GABRB1: variants seen among roughly 807,000 people sequenced by gnomAD.
GABRB1 encodes the protein gamma-aminobutyric acid type A receptor subunit beta1.
A neutral mutation model predicts 51.6 loss-of-function variants in GABRB1; 17 were observed. That is an observed-to-expected ratio of 0.33 (90% confidence interval 0.23 to 0.49). GABRB1 has a LOEUF of 0.49. Among genes scored for constraint, GABRB1 ranks in the 20% least tolerant of loss-of-function variants. The probability of loss-of-function intolerance (pLI) is 0.99; values close to 1 mark genes in which losing one functional copy is unlikely to be tolerated. For synonymous variants in GABRB1, 247 were observed against 218.9 expected (o/e 1.13, Z -1.14); for missense variants, 410 against 600.6 (o/e 0.68, Z 3.32).
rs561019241 is a variant in GABRB1, at chr4:47,206,937, C to A, written c.461+45468C>A. 1.8e-4 allele frequency among the ~76,000 whole-genome samples: 27 copies of A among 151,800 alleles called. No homozygotes were observed. In the East Asian group the frequency reaches 4.8e-3, roughly 27 times the overall value. On this transcript the variant is annotated intron_variant, in intron 4 of 8. Coordinates refer to ENST00000295454, the MANE Select transcript of GABRB1 (RefSeq NM_000812.4). Reference sequence around the variant, plus strand: ...CAGGCTACACCAGAAAAAGAGTTTTCTGAATTTAAAATTCTATTCAGAAAC... The same window carrying A: ...CAGGCTACACCAGAAAAAGAGTTTTATGAATTTAAAATTCTATTCAGAAAC...
chr4:47,360,724 T>C (rs1726778372), intron 5 of GABRB1, among the ~76,000 whole-genome samples: 1 of 152,080 alleles, frequency 6.6e-6, no homozygotes, highest in Non-Finnish European at 1.5e-5. Flanking sequence ...ATTTGGATAC[T>C]CAAAACTACT....
intron 3 of GABRB1, among the ~76,000 whole-genome samples, chr4:47,114,302 C>T (rs1386473312): frequency 6.6e-6 from 1 of 152,166 alleles, no homozygotes; most frequent in Admixed American, 6.5e-5. Flanking sequence ...AACTGATTGG[C>T]TCAGAAGGTT....
At chr4:47,137,995 G>A (rs1716746308) in intron 3 of GABRB1, among the ~76,000 whole-genome samples, 1 of 152,068 alleles carries the variant, frequency 6.6e-6, no homozygotes, top group Non-Finnish European at 1.5e-5. Context: ...TTCCATTGCA[G>A]TGAGGTTAAG....
At chr4:47,384,957 TACTG>T (rs1727735119) in intron 5 of GABRB1, among the ~76,000 whole-genome samples, 1 of 152,240 alleles carries the variant, frequency 6.6e-6, no homozygotes, top group African/African-American at 2.4e-5. Flanking sequence ...AACATTATGA[TACTG>T]ACACACTAGT....
At chr4:47,211,668 T>G in intron 4 of GABRB1, among the ~76,000 whole-genome samples, 1 of 152,174 alleles carries the variant, frequency 6.6e-6, no homozygotes, top group Non-Finnish European at 1.5e-5. Flanking sequence ...CACACATTTC[T>G]CATCAAACAG....
chr4:47,182,165 G>A (rs142414816), intron 4 of GABRB1, among the ~76,000 whole-genome samples: 24 of 151,948 alleles, frequency 1.6e-4, no homozygotes, highest in African/African-American at 5.5e-4. Flanking sequence ...GAGGTTAAAA[G>A]GATTTGTTCT....
intron 4 of GABRB1, among the ~76,000 whole-genome samples, chr4:47,262,396 C>T (rs1237049197): frequency 1.3e-5 from 2 of 152,156 alleles, no homozygotes; most frequent in East Asian, 1.9e-4. Flanking sequence ...TATGAACAGA[C>T]ACTTCTCAAA....
chr4:47,370,243 C>T (rs900960750), intron 5 of GABRB1, among the ~76,000 whole-genome samples: 3 of 152,164 alleles, frequency 2.0e-5, no homozygotes, highest in Non-Finnish European at 2.9e-5. Context: ...AATCTCAGCA[C>T]GTTGGGTGGC....
chr4:47,269,119 G>A (rs900538853), intron 4 of GABRB1, among the ~76,000 whole-genome samples: 1 of 152,216 alleles, frequency 6.6e-6, no homozygotes, highest in African/African-American at 2.4e-5. Flanking sequence ...ACTTAATGAT[G>A]TTCAGGTTGA....
intron 3 of GABRB1, among the ~76,000 whole-genome samples, chr4:47,128,398 G>A (rs1167136657): frequency 1.3e-5 from 2 of 151,802 alleles, no homozygotes; most frequent in East Asian, 3.9e-4. Flanking sequence ...AAAAATCCAT[G>A]AATTAGAAAA....
chr4:47,025,827 T>C (rs1725071965), intron 1 of GABRB1, among the ~76,000 whole-genome samples: 2 of 151,958 alleles, frequency 1.3e-5, no homozygotes, highest in African/African-American at 4.8e-5. Flanking sequence ...CATTATCCCC[T>C]CTCCTCTCAC....
intron 5 of GABRB1, among the ~76,000 whole-genome samples, chr4:47,369,655 T>G (rs569830093): frequency 1.6e-4 from 24 of 152,198 alleles, no homozygotes; most frequent in Non-Finnish European, 2.8e-4. Context: ...TTTAATCTCT[T>G]TGGGCCTTAG....
chr4:47,212,455 T>C lies in GABRB1; in HGVS notation c.461+50986T>C, dbSNP rs141725283. 8.9e-3 allele frequency among the ~76,000 whole-genome samples: 1,356 copies of C among 152,256 alleles called. 7 individuals are homozygous for C. Among genetic ancestry groups the C allele is most frequent in the Non-Finnish European group, 0.011 (761 of 68,024 alleles). On this transcript the variant is annotated intron_variant, in intron 4 of 8. Coordinates refer to ENST00000295454, the MANE Select transcript of GABRB1 (RefSeq NM_000812.4). ...ACTTTGGGAGGCTGAGGCCTTTGGA[T>C]CACCTGCGGTCAGGAGTGATACCAG...
chr4:47,169,123 GAC>G (rs779266319), intron 4 of GABRB1, among the ~76,000 whole-genome samples: 18 of 152,162 alleles, frequency 1.2e-4, no homozygotes, highest in Non-Finnish European at 2.2e-4. Flanking sequence ...AATTTGACGA[GAC>G]ACAATTCAAC....
intron 4 of GABRB1, among the ~76,000 whole-genome samples, chr4:47,309,798 T>C (rs1265594188): frequency 6.6e-6 from 1 of 152,162 alleles, no homozygotes; most frequent in Non-Finnish European, 1.5e-5. Flanking sequence ...TTTTCTCTCA[T>C]CTATAATTTT....
In GABRB1 at chr4:47,403,296, G is replaced by A. The variant is rs372855800; in HGVS notation, c.545-22G>A. The A allele has an allele frequency of 3.6e-5, 58 of 1,611,852 alleles. No homozygotes were observed. The Admixed American group carries it at 4.2e-4, about 12-fold the overall frequency. On this transcript the variant is annotated intron_variant, in intron 5 of 8. Coordinates refer to ENST00000295454, the MANE Select transcript of GABRB1 (RefSeq NM_000812.4). ...ATGATTTCCTAAACTTTGTTTAACC[G>A]TGCTGTTTTTATTGGTTTCAGATGG...
intron 4 of GABRB1, among the ~76,000 whole-genome samples, chr4:47,214,650 T>C (rs1047331792): frequency 3.9e-5 from 6 of 152,180 alleles, no homozygotes; most frequent in Admixed American, 2.6e-4. Flanking sequence ...AAGTATATTA[T>C]ATTAAATAAA....
intron 8 of GABRB1, among the ~76,000 whole-genome samples, chr4:47,408,000 G>A (rs1728634472): frequency 1.1e-4 from 16 of 152,188 alleles, no homozygotes; most frequent in Admixed American, 1.0e-3. Context: ...GCTGAGATGG[G>A]AGGATGGCTT....
intron 3 of GABRB1, chr4:47,032,710 T>C (rs1725379256): frequency 2.8e-6 from 2 of 708,506 alleles, no homozygotes; most frequent in East Asian, 2.7e-5. Flanking sequence ...CGGCACTATT[T>C]TGGGAAGGAC....
Sources: allele counts gnomAD v4.1 joint callset (sites outside exome capture counted in the v4.1 genomes callset), GRCh38; gene constraint gnomAD v4.1.1; transcripts MANE v1.5; gene names NCBI Gene and HGNC (gene_info 2026-07-23, HGNC 2026-07-21).